AGMO: variants seen among roughly 807,000 people sequenced by gnomAD.
AGMO encodes the protein glyceryl-ether monooxygenase.
A neutral mutation model predicts 60.2 loss-of-function variants in AGMO; 75 were observed. The observed-to-expected ratio is 1.25, with a 90% CI of 1.03 to 1.51. AGMO has a LOEUF of 1.51. Among genes scored for constraint, AGMO ranks in the 40% most tolerant of loss-of-function variants. The pLI is 0.00. For missense variants in AGMO, 763 were observed against 525.5 expected, an observed-to-expected ratio of 1.45 and a Z score of -4.42; for synonymous variants, 261 against 177.1, an observed-to-expected ratio of 1.47 and a Z score of -3.76.
At chr7:15,275,437 A>C (rs750301769) in intron 12 of AGMO, among the ~76,000 whole-genome samples, 39 of 152,140 alleles carry the variant, frequency 2.6e-4, no homozygotes, top group Admixed American at 1.8e-3. Flanking sequence ...TAATTGATTG[A>C]GATTTGCTTA....
At chr7:15,220,820 C>G (rs1781896568) in intron 12 of AGMO, among the ~76,000 whole-genome samples, 1 of 151,912 alleles carries the variant, frequency 6.6e-6, no homozygotes, top group African/African-American at 2.4e-5. Flanking sequence ...GGACACAGAT[C>G]TAAAAATCTG....
intron 12 of AGMO, among the ~76,000 whole-genome samples, chr7:15,264,755 G>A (rs2128510831): frequency 6.6e-6 from 1 of 152,094 alleles, no homozygotes; most frequent in South Asian, 2.1e-4. Flanking sequence ...CATTCAGAAT[G>A]GTGGTAATTA....
At chr7:15,496,409 G>C (rs1468406091) in intron 3 of AGMO, among the ~76,000 whole-genome samples, 1 of 152,086 alleles carries the variant, frequency 6.6e-6, no homozygotes, top group African/African-American at 2.4e-5. Flanking sequence ...TCAGAGAAAA[G>C]GGCAGGGATG....
At chr7:15,367,469 C>T (rs118078399) in intron 10 of AGMO, among the ~76,000 whole-genome samples, 3,262 of 151,716 alleles carry the variant, frequency 0.022, 54 homozygotes, top group South Asian at 0.033. Context: ...TTTAAAAAAA[C>T]GCAAACAATC....
intron 12 of AGMO, among the ~76,000 whole-genome samples, chr7:15,264,277 T>C (rs1783368185): frequency 1.3e-5 from 2 of 151,914 alleles, no homozygotes. Context: ...TCATACATCA[T>C]AACTACGTCA....
intron 5 of AGMO, among the ~76,000 whole-genome samples, chr7:15,414,673 A>C (rs1472888155): frequency 2.6e-5 from 4 of 152,206 alleles, no homozygotes; most frequent in Non-Finnish European, 5.9e-5. Flanking sequence ...GTCTTTATTC[A>C]AAGACCACAA....
chr7:15,129,042 G>A, the AGMO span, among the ~76,000 whole-genome samples: 5 of 152,054 alleles, frequency 3.3e-5, no homozygotes, highest in African/African-American at 1.2e-4. Flanking sequence ...TAGAAGTGGG[G>A]CATCCTATGT....
intron 2 of AGMO, among the ~76,000 whole-genome samples, chr7:15,557,163 CAA>C (rs973399536): frequency 2.6e-5 from 4 of 151,944 alleles, no homozygotes; most frequent in Non-Finnish European, 5.9e-5. Flanking sequence ...GGTTTTTCTT[CAA>C]AGTCTGCACA....
chr7:15,166,955 T>A, the AGMO span, among the ~76,000 whole-genome samples: 1 of 152,176 alleles, frequency 6.6e-6, no homozygotes, highest in South Asian at 2.1e-4. Context: ...TCTTATCCAT[T>A]CAGTAGAATG....
At chr7:15,196,948 T>G (rs1781132465), downstream of AGMO, among the ~76,000 whole-genome samples, 1 of 152,120 alleles carries the variant, frequency 6.6e-6, no homozygotes, top group African/African-American at 2.4e-5. Context: ...TTTTTCTAAT[T>G]GTGTCTTGGG....
chr7:15,463,202 A>G (rs1562520080), intron 3 of AGMO, among the ~76,000 whole-genome samples: 1 of 152,304 alleles, frequency 6.6e-6, no homozygotes. Context: ...AAGAGGCCAG[A>G]TTGCAAACAG....
intron 3 of AGMO, among the ~76,000 whole-genome samples, chr7:15,471,347 T>C (rs1275215855): frequency 6.6e-6 from 1 of 151,852 alleles, no homozygotes; most frequent in Non-Finnish European, 1.5e-5. Context: ...TTAATGCAAA[T>C]AGTAAAAAGA....
the AGMO span, among the ~76,000 whole-genome samples, chr7:15,154,489 T>C: frequency 2.6e-5 from 4 of 152,196 alleles, no homozygotes. Context: ...TTTGAGCCTT[T>C]GGGTGTCCTT....
At chr7:15,528,483 C>T (rs1784184302) in intron 3 of AGMO, among the ~76,000 whole-genome samples, 1 of 151,938 alleles carries the variant, frequency 6.6e-6, no homozygotes, top group African/African-American at 2.4e-5. Flanking sequence ...ATCTGAAGTA[C>T]CTAACATCGT....
chr7:15,217,935 G>T (rs1781792391), intron 12 of AGMO, among the ~76,000 whole-genome samples: 1 of 151,910 alleles, frequency 6.6e-6, no homozygotes, highest in African/African-American at 2.4e-5. Context: ...TACATATGAA[G>T]AATTGTTATG....
chr7:15,435,265 C>T (rs1051977192), intron 3 of AGMO, among the ~76,000 whole-genome samples: 2 of 150,012 alleles, frequency 1.3e-5, no homozygotes, highest in African/African-American at 4.9e-5. Context: ...GATATGCCTA[C>T]ATTTACCTTG....
intron 10 of AGMO, among the ~76,000 whole-genome samples, chr7:15,371,706 A>G (rs1783224382): frequency 9.7e-6 from 1 of 103,248 alleles, no homozygotes; most frequent in African/African-American, 4.4e-5. Flanking sequence ...CCAACGGCTG[A>G]TTTTTGTATT....
intron 12 of AGMO, among the ~76,000 whole-genome samples, chr7:15,305,876 T>C (rs1223115718): frequency 1.3e-5 from 2 of 151,972 alleles, no homozygotes; most frequent in Admixed American, 1.3e-4. Flanking sequence ...TATGGGTACA[T>C]GAACGAACCT....
At chr7:15,369,674 G>A (rs758147205) in intron 10 of AGMO, among the ~76,000 whole-genome samples, 4 of 151,852 alleles carry the variant, frequency 2.6e-5, no homozygotes, top group Admixed American at 6.6e-5. Flanking sequence ...TTCTATACAC[G>A]TATATATTTG....
Sources: allele counts gnomAD v4.1 joint callset (sites outside exome capture counted in the v4.1 genomes callset), GRCh38; gene constraint gnomAD v4.1.1; transcripts MANE v1.5; gene names NCBI Gene and HGNC (gene_info 2026-07-23, HGNC 2026-07-21).